The following MAGI2 variants were observed in gnomAD, a reference collection of about 807,000 sequenced individuals.
The protein encoded by MAGI2 is membrane associated guanylate kinase, WW and PDZ domain containing 2.
A neutral mutation model predicts 133.3 loss-of-function variants in MAGI2; 35 were observed. The observed-to-expected ratio is 0.26, with a 90% CI of 0.20 to 0.35. The LOEUF (loss-of-function observed/expected upper bound fraction) is 0.35, where lower values mean the gene tolerates loss of function less well. Ranked by LOEUF, MAGI2 falls within the 10% of genes least tolerant of loss-of-function variation. The pLI is 1.00. For synonymous variants in MAGI2, 729 were observed against 710.6 expected (o/e 1.03, Z -0.41); for missense variants, 1,636 against 1,863.4 (o/e 0.88, Z 2.25).
At chr7:78,819,113 C>T (rs1292516258) in intron 2 of MAGI2, among the ~76,000 whole-genome samples, 3 of 152,138 alleles carry the variant, frequency 2.0e-5, no homozygotes, top group African/African-American at 7.2e-5. Context: ...CAGAGACCCA[C>T]ATACCCAGAT....
intron 3 of MAGI2, among the ~76,000 whole-genome samples, chr7:78,548,814 G>C (rs1799090755): frequency 6.6e-6 from 1 of 152,212 alleles, no homozygotes; most frequent in Non-Finnish European, 1.5e-5. Flanking sequence ...ATAGAAAACA[G>C]TGGGACAATT....
chr7:78,662,970 T>C (rs1813137859), intron 2 of MAGI2, among the ~76,000 whole-genome samples: 1 of 152,094 alleles, frequency 6.6e-6, no homozygotes, highest in Admixed American at 6.6e-5. Flanking sequence ...GAGTGGTAAA[T>C]GAGCAAGGTT....
intron 13 of MAGI2, among the ~76,000 whole-genome samples, chr7:78,182,656 G>T (rs1163234615): frequency 6.6e-6 from 1 of 152,196 alleles, no homozygotes; most frequent in Non-Finnish European, 1.5e-5. Flanking sequence ...CACTATGCAT[G>T]CTAGTGACCA....
At chr7:78,958,624 C>CATTT (rs1802596942) in intron 2 of MAGI2, among the ~76,000 whole-genome samples, 1 of 152,122 alleles carries the variant, frequency 6.6e-6, no homozygotes, top group Admixed American at 6.5e-5. Flanking sequence ...TTGTGCTTAA[C>CATTT]ATTTCATCTG....
chr7:79,080,120 C>A (rs918838107), intron 1 of MAGI2, among the ~76,000 whole-genome samples: 5 of 152,070 alleles, frequency 3.3e-5, no homozygotes, highest in Admixed American at 6.6e-5. Flanking sequence ...CACAGTGACC[C>A]TTCCTTAATG....
At chr7:78,629,816 A>C (rs1337825474) in intron 2 of MAGI2, among the ~76,000 whole-genome samples, 1 of 152,096 alleles carries the variant, frequency 6.6e-6, no homozygotes, top group Admixed American at 6.5e-5. Flanking sequence ...TAAAGAGACA[A>C]TCTGAAACCA....
intron 9 of MAGI2, among the ~76,000 whole-genome samples, chr7:78,294,545 C>G (rs1397879689): frequency 6.6e-6 from 1 of 152,120 alleles, no homozygotes; most frequent in African/African-American, 2.4e-5. Flanking sequence ...AATAAACTTA[C>G]CATTTGGAAA....
intron 3 of MAGI2, among the ~76,000 whole-genome samples, chr7:78,610,571 T>C (rs1806330602): frequency 6.6e-6 from 1 of 152,182 alleles, no homozygotes; most frequent in Non-Finnish European, 1.5e-5. Context: ...GTTTGAAAAA[T>C]GCTGGAAGCA....
chr7:79,390,834 A>G (rs1165155807), intron 1 of MAGI2, among the ~76,000 whole-genome samples: 2 of 152,228 alleles, frequency 1.3e-5, no homozygotes, highest in African/African-American at 4.8e-5. Flanking sequence ...CAGGAGAGAT[A>G]AGTACTTCCA....
At chr7:78,817,704 A>G (rs930579561) in intron 2 of MAGI2, among the ~76,000 whole-genome samples, 1 of 151,708 alleles carries the variant, frequency 6.6e-6, no homozygotes, top group Non-Finnish European at 1.5e-5. Context: ...AGACTACAGT[A>G]TAGTGTAAAC....
intron 3 of MAGI2, among the ~76,000 whole-genome samples, chr7:78,545,653 A>G (rs1798772382): frequency 6.6e-6 from 1 of 152,216 alleles, no homozygotes; most frequent in Non-Finnish European, 1.5e-5. Flanking sequence ...GGTAGAATAC[A>G]TGGTAAGAGT....
intron 21 of MAGI2, among the ~76,000 whole-genome samples, chr7:78,077,371 A>C (rs1310018984): frequency 6.6e-6 from 1 of 151,558 alleles, no homozygotes; most frequent in East Asian, 1.9e-4. Context: ...ATGCTGGTAC[A>C]TTTTAGCAGG....
intron 21 of MAGI2, among the ~76,000 whole-genome samples, chr7:78,069,477 TTGTGTA>T (rs1814218381): frequency 1.4e-5 from 2 of 140,318 alleles, no homozygotes; most frequent in African/African-American, 2.6e-5. Context: ...GTATGTGTGT[TTGTGTA>T]TGTGTATGTG....
At chr7:79,241,591 C>G (rs1832421193) in intron 1 of MAGI2, among the ~76,000 whole-genome samples, 1 of 152,216 alleles carries the variant, frequency 6.6e-6, no homozygotes, top group Non-Finnish European at 1.5e-5. Flanking sequence ...ATAATAGTCT[C>G]TTCCTAAAAC....
At chr7:78,957,218 T>C (rs1802453692) in intron 2 of MAGI2, among the ~76,000 whole-genome samples, 1 of 144,624 alleles carries the variant, frequency 6.9e-6, no homozygotes, top group Non-Finnish European at 1.5e-5. Flanking sequence ...TCAGCCAAGA[T>C]TGCGCCATTG....
intron 9 of MAGI2, among the ~76,000 whole-genome samples, chr7:78,262,339 T>C (rs542189339): frequency 6.6e-6 from 1 of 152,294 alleles, no homozygotes; most frequent in African/African-American, 2.4e-5. Context: ...GAATAAAAAT[T>C]AGGTTCAGAC....
chr7:79,032,650 G>A (rs569544628), intron 1 of MAGI2, among the ~76,000 whole-genome samples: 3 of 151,964 alleles, frequency 2.0e-5, no homozygotes, highest in Admixed American at 1.3e-4. Context: ...GTAAAAATCT[G>A]AAGCACTCTA....
intron 3 of MAGI2, among the ~76,000 whole-genome samples, chr7:78,578,975 A>G (rs1802556061): frequency 6.6e-6 from 1 of 152,072 alleles, no homozygotes; most frequent in Admixed American, 6.5e-5. Flanking sequence ...TGTGAGTCCC[A>G]ATGCCTGGAA....
intron 6 of MAGI2, among the ~76,000 whole-genome samples, chr7:78,468,179 T>C (rs1269089109): frequency 6.6e-6 from 1 of 152,184 alleles, no homozygotes; most frequent in African/African-American, 2.4e-5. Flanking sequence ...CAATTATAAT[T>C]CCTGCCTCAC....
Sources: gnomAD v4.1 joint callset for allele counts (sites outside exome capture counted in the v4.1 genomes callset) on GRCh38, gnomAD v4.1.1 for gene constraint, MANE v1.5 for transcripts, NCBI Gene and HGNC (gene_info 2026-07-23, HGNC 2026-07-21) for gene names.